The following CDK6 variants were observed in gnomAD, a reference collection of about 807,000 sequenced individuals.
The protein encoded by CDK6 is cyclin-dependent kinase 6.
A neutral mutation model predicts 37.1 loss-of-function variants in CDK6; 6 were observed. The ratio of observed to expected loss-of-function variants is 0.16; its 90% CI spans 0.09 to 0.32. The LOEUF is 0.32. Ranked by LOEUF, CDK6 falls within the 10% of genes least tolerant of loss-of-function variation. The pLI is 1.00. For synonymous variants in CDK6, 160 were observed against 161.3 expected (o/e 0.99, Z 0.06); for missense variants, 224 against 418.9 (o/e 0.53, Z 4.06).
At chr7:92,636,931 C>G (rs754870882) in intron 5 of CDK6, among the ~76,000 whole-genome samples, 2 of 152,182 alleles carry the variant, frequency 1.3e-5, no homozygotes, top group African/African-American at 4.8e-5. Context: ...TCCCAAAGTG[C>G]TGGGATTTAG....
chr7:92,739,753 G>C (rs1798873949), intron 3 of CDK6, among the ~76,000 whole-genome samples: 1 of 151,982 alleles, frequency 6.6e-6, no homozygotes, highest in Non-Finnish European at 1.5e-5. Context: ...GCACTAAGTG[G>C]TATTTATTTA....
At chr7:92,678,506 C>G (rs534054457) in intron 4 of CDK6, among the ~76,000 whole-genome samples, 5 of 152,186 alleles carry the variant, frequency 3.3e-5, no homozygotes, top group African/African-American at 1.2e-4. Context: ...TCTCTATTCA[C>G]ATTTTTTTGA....
In CDK6 at chr7:92,661,687, GA is replaced by G. The variant is rs1796838378; in HGVS notation, c.647+9738del. The stretch of plus-strand genomic sequence containing the variant: ...ATAGGCTGAGGGTAAAGGGGAAGAA[GA>G]GGGGTGAGTCTTGTTGTCTCATGGG... On this transcript the variant is annotated intron_variant, in intron 5 of 7. Coordinates refer to ENST00000424848, the MANE Select transcript of CDK6 (RefSeq NM_001145306.2). Among the ~76,000 whole-genome samples the G allele has an allele frequency of 3.3e-5, 5 of 152,194 alleles. No homozygotes were observed. In the South Asian group the frequency reaches 1.0e-3, roughly 32 times the overall value.
At chr7:92,795,078 T>G (rs1800375366) in intron 2 of CDK6, among the ~76,000 whole-genome samples, 1 of 152,150 alleles carries the variant, frequency 6.6e-6, no homozygotes, top group African/African-American at 2.4e-5. Flanking sequence ...TATTTTCAAG[T>G]CACATGGGAT....
chr7:92,773,438 A>G (rs1271317337), intron 3 of CDK6, among the ~76,000 whole-genome samples: 1 of 152,196 alleles, frequency 6.6e-6, no homozygotes, highest in Non-Finnish European at 1.5e-5. Context: ...TTGCCTAGAA[A>G]ACTGTATAAG....
chr7:92,799,449 CCT>C (rs1301019202), intron 2 of CDK6, among the ~76,000 whole-genome samples: 1 of 152,100 alleles, frequency 6.6e-6, no homozygotes, highest in Non-Finnish European at 1.5e-5. Context: ...CTCTCTGCCC[CCT>C]TTTTTCTCCT....
At chr7:92,659,404 C>T (rs1307652440) in intron 5 of CDK6, among the ~76,000 whole-genome samples, 1 of 152,104 alleles carries the variant, frequency 6.6e-6, no homozygotes, top group Non-Finnish European at 1.5e-5. Flanking sequence ...TTTGGATGTA[C>T]TGTGGTAAAA....
At chr7:92,756,663 G>T (rs1799326517) in intron 3 of CDK6, among the ~76,000 whole-genome samples, 1 of 152,162 alleles carries the variant, frequency 6.6e-6, no homozygotes, top group Admixed American at 6.5e-5. Flanking sequence ...GAAGATGTAT[G>T]CTTCTACTTC....
intron 4 of CDK6, among the ~76,000 whole-genome samples, chr7:92,707,508 G>C (rs1431740599): frequency 2.0e-5 from 3 of 152,090 alleles, no homozygotes; most frequent in Non-Finnish European, 4.4e-5. Context: ...TAATATTCCA[G>C]GAACACTTGA....
rs1242877370 is a variant in CDK6 at position 92,835,530 on chromosome 7, A to G, written c.-368+948T>C. 1.3e-5 allele frequency among the ~76,000 whole-genome samples: 2 copies of G among 151,962 alleles called. No individual in the cohort carries two copies. Among genetic ancestry groups the G allele is most frequent in the African/African-American group, 2.4e-5 (1 of 41,342 alleles). ...CGCTGGCTGAATGTGACTTGACCCCATTTCAAAAAAAGTTTGACATAGTGC... is the reference window on the plus strand; with the variant it reads ...CGCTGGCTGAATGTGACTTGACCCCGTTTCAAAAAAAGTTTGACATAGTGC... On this transcript the variant is annotated intron_variant, in intron 1 of 7. Coordinates refer to ENST00000424848, the MANE Select transcript of CDK6 (RefSeq NM_001145306.2). This position sits in a 1 kb window ranked among gnomAD's most constrained non-coding sequence, Gnocchi z 4.2.
intron 5 of CDK6, among the ~76,000 whole-genome samples, chr7:92,664,359 G>A (rs541684544): frequency 2.6e-4 from 39 of 152,272 alleles, no homozygotes; most frequent in African/African-American, 7.9e-4. Context: ...TGGTGTTCAG[G>A]TCAGCTTGTG....
At chr7:92,754,269 T>G (rs903747413) in intron 3 of CDK6, among the ~76,000 whole-genome samples, 7 of 152,226 alleles carry the variant, frequency 4.6e-5, no homozygotes, top group African/African-American at 1.7e-4. Flanking sequence ...CACTGCATTG[T>G]CTTTGGTGCA....
At chr7:92,629,758 C>A (rs1321850037) in intron 5 of CDK6, among the ~76,000 whole-genome samples, 1 of 152,090 alleles carries the variant, frequency 6.6e-6, no homozygotes, top group Non-Finnish European at 1.5e-5. Context: ...TGGAGTACTG[C>A]AAACTGGGTG....
intron 2 of CDK6, among the ~76,000 whole-genome samples, chr7:92,831,470 C>T (rs1801479013): frequency 1.3e-5 from 2 of 152,164 alleles, no homozygotes; most frequent in Admixed American, 1.3e-4. Flanking sequence ...ATTCATCCTT[C>T]GGGATGTATT....
chr7:92,695,936 G>A (rs1797708468), intron 4 of CDK6, among the ~76,000 whole-genome samples: 1 of 152,180 alleles, frequency 6.6e-6, no homozygotes, highest in Non-Finnish European at 1.5e-5. Flanking sequence ...CACGCACATC[G>A]GTTTCTGATT....
chr7:92,684,125 C>T (rs1253797840), intron 4 of CDK6, among the ~76,000 whole-genome samples: 1 of 152,002 alleles, frequency 6.6e-6, no homozygotes, highest in African/African-American at 2.4e-5. Flanking sequence ...TGGTGTGAGG[C>T]GAGTATCAAC....
intron 5 of CDK6, among the ~76,000 whole-genome samples, chr7:92,643,104 C>T (rs541663901): frequency 4.7e-4 from 71 of 152,244 alleles, no homozygotes; most frequent in African/African-American, 1.7e-3. Context: ...CCAGGATGGT[C>T]TCGAACTCCT....
chr7:92,723,504 T>C (rs151179876), intron 4 of CDK6, among the ~76,000 whole-genome samples: 65 of 152,290 alleles, frequency 4.3e-4, no homozygotes, highest in African/African-American at 1.5e-3. Flanking sequence ...AAAACTATGA[T>C]TCCAAGTTTT....
At chr7:92,730,535 A>ATGT (rs1434997392) in intron 3 of CDK6, among the ~76,000 whole-genome samples, 5 of 152,160 alleles carry the variant, frequency 3.3e-5, no homozygotes, top group Admixed American at 1.3e-4. Flanking sequence ...ATGTCTCCCC[A>ATGT]TGTACCCCTC....
Sources: allele counts gnomAD v4.1 joint callset (sites outside exome capture counted in the v4.1 genomes callset), GRCh38; gene constraint gnomAD v4.1.1; non-coding constraint Gnocchi (gnomAD v3.1); transcripts MANE v1.5; gene names NCBI Gene and HGNC (gene_info 2026-07-23, HGNC 2026-07-21).